CARMIL1: variants seen among roughly 807,000 people sequenced by gnomAD.
The protein encoded by CARMIL1 is capping protein regulator and myosin 1 linker 1, also known as F-actin-uncapping protein LRRC16A.
In CARMIL1, 90 loss-of-function variants were observed where a neutral mutation model predicts 177.1. That is an observed-to-expected ratio of 0.51 (90% CI 0.43 to 0.61). The LOEUF (loss-of-function observed/expected upper bound fraction) is 0.61, where lower values mean the gene tolerates loss of function less well. Ranked by LOEUF, CARMIL1 falls within the 20% of genes least tolerant of loss-of-function variation. The pLI is 0.00. For synonymous variants in CARMIL1, 577 were observed against 606.2 expected, an observed-to-expected ratio of 0.95 and a Z score of 0.71; for missense variants, 1,380 against 1,667.0, an observed-to-expected ratio of 0.83 and a Z score of 3.00.
At chr6:25,486,854 G>A (rs1802709196) in intron 12 of CARMIL1, among the ~76,000 whole-genome samples, 1 of 151,926 alleles carries the variant, frequency 6.6e-6, no homozygotes, top group Non-Finnish European at 1.5e-5. Context: ...TTTCCATAAA[G>A]GTTTATTGAA....
chr6:25,493,106 A>G (rs1803388737), intron 15 of CARMIL1, among the ~76,000 whole-genome samples: 1 of 152,248 alleles, frequency 6.6e-6, no homozygotes, highest in South Asian at 2.1e-4. Context: ...TGACTGGGGA[A>G]CTAGGTTACA....
At chr6:25,495,476 G>A (rs1274428040) in intron 16 of CARMIL1, among the ~76,000 whole-genome samples, 2 of 151,638 alleles carry the variant, frequency 1.3e-5, no homozygotes, top group African/African-American at 4.8e-5. Flanking sequence ...TGTACTCCCA[G>A]GTACTTACTA....
At chr6:25,602,696 AT>A (rs1202475849) in intron 33 of CARMIL1, among the ~76,000 whole-genome samples, 1 of 152,096 alleles carries the variant, frequency 6.6e-6, no homozygotes, top group Non-Finnish European at 1.5e-5. Flanking sequence ...GCTTTAGAAC[AT>A]TTTTTTTCTA....
chr6:25,291,306 C>T (rs571823547), intron 2 of CARMIL1, among the ~76,000 whole-genome samples: 4,113 of 152,144 alleles, frequency 0.027, 67 homozygotes, highest in Non-Finnish European at 0.038. Context: ...AGTATAAACT[C>T]TATTCCACCT....
intron 2 of CARMIL1, among the ~76,000 whole-genome samples, chr6:25,330,334 G>C (rs896893640): frequency 6.6e-6 from 1 of 152,202 alleles, no homozygotes; most frequent in Non-Finnish European, 1.5e-5. Flanking sequence ...GGGATTTAAA[G>C]TGTGAAGTTC....
intron 2 of CARMIL1, among the ~76,000 whole-genome samples, chr6:25,316,089 G>A (rs1294600178): frequency 6.6e-6 from 1 of 152,200 alleles, no homozygotes. Context: ...TGCTGATAAG[G>A]TTTGTAGATA....
intron 26 of CARMIL1, among the ~76,000 whole-genome samples, chr6:25,548,212 T>G (rs186662819): frequency 6.6e-6 from 1 of 152,218 alleles, no homozygotes; most frequent in South Asian, 2.1e-4. Context: ...TTTCCACTTT[T>G]GAGGAAATAT....
intron 8 of CARMIL1, among the ~76,000 whole-genome samples, chr6:25,463,404 T>C (rs1800291940): frequency 6.6e-6 from 1 of 152,206 alleles, no homozygotes; most frequent in Admixed American, 6.5e-5. Context: ...TATTGTGGTA[T>C]GTAGAGATGA....
At position 25,601,836 on chromosome 6, in the gene CARMIL1, A is replaced by C. The variant is rs1379078356; in HGVS notation, c.3552+1090A>C. On this transcript the variant is annotated intron_variant, in intron 33 of 36. Coordinates refer to ENST00000329474, the MANE Select transcript of CARMIL1 (RefSeq NM_017640.6). The stretch of plus-strand genomic sequence containing the variant: ...CCTGTTTTCTCTTGTCACTCACTAC[A>C]TGAAGGATTGTATCTGTGTGATAAG... Among the ~76,000 whole-genome samples the C allele has an allele frequency of 3.3e-5, 5 of 152,304 alleles. No individual in the cohort carries two copies. In the East Asian group the frequency reaches 9.6e-4, roughly 29 times the overall value.
chr6:25,283,468 A>G (rs80192270), intron 1 of CARMIL1, among the ~76,000 whole-genome samples: 167 of 152,278 alleles, frequency 1.1e-3, no homozygotes, highest in African/African-American at 4.0e-3. Context: ...AGTTGGACAT[A>G]AGCATTTTCC....
chr6:25,337,500 A>G (rs1391063390), intron 2 of CARMIL1, among the ~76,000 whole-genome samples: 1 of 152,236 alleles, frequency 6.6e-6, no homozygotes, highest in East Asian at 1.9e-4. Context: ...ATTGAATGTC[A>G]AGGTAATTGT....
At chr6:25,312,875 G>A (rs2150210904) in intron 2 of CARMIL1, among the ~76,000 whole-genome samples, 1 of 146,064 alleles carries the variant, frequency 6.8e-6, no homozygotes, top group South Asian at 2.1e-4. Context: ...TGTTCTGCCA[G>A]TGCCTAAAAT....
At chr6:25,575,029 A>G (rs560717340) in intron 29 of CARMIL1, among the ~76,000 whole-genome samples, 79 of 152,318 alleles carry the variant, frequency 5.2e-4, no homozygotes, top group African/African-American at 1.9e-3. Context: ...GGCATTTATT[A>G]TCTTATTTAA....
rs1224010262 is a variant in CARMIL1, at chr6:25,600,442, C to T, written c.3248C>T (p.Pro1083Leu). 1.2e-6 allele frequency: 2 copies of T among 1,614,012 alleles called. No homozygotes were observed. Among genetic ancestry groups the T allele is most frequent in the Non-Finnish European group, 8.5e-7 (1 of 1,179,894 alleles). The stretch of plus-strand genomic sequence containing the variant: ...AAATCCCGGTCCAAATCCGAGCGAC[C>T]ACCAACGATCTTGATGACAGAAGAA... ...LIKSRSKSERPPTILMTEEPS... is the reference protein window; with the variant it reads ...LIKSRSKSERLPTILMTEEPS... Residue 1083 changes from proline to leucine, a missense_variant, in exon 33 of 37, where the codon CCA (proline) becomes CTA (leucine). Pro to Leu is a moderately conservative substitution (Grantham distance 98). Coordinates refer to ENST00000329474, the MANE Select transcript of CARMIL1 (RefSeq NM_017640.6).
intron 12 of CARMIL1, among the ~76,000 whole-genome samples, chr6:25,488,137 G>A (rs1802851368): frequency 6.6e-6 from 1 of 152,144 alleles, no homozygotes; most frequent in South Asian, 2.1e-4. Context: ...GAATCACCTG[G>A]CAGGATTAAG....
At chr6:25,395,394 G>A (rs1317589506) in intron 2 of CARMIL1, among the ~76,000 whole-genome samples, 1 of 152,170 alleles carries the variant, frequency 6.6e-6, no homozygotes, top group African/African-American at 2.4e-5. Flanking sequence ...TCCAATAGCA[G>A]CATTATCTTC....
rs1414169923 is a variant in CARMIL1 at position 25,491,873 on chromosome 6, G to A, written c.1143+64G>A. ...CTCAGAAGAGCTATTTAGATGGGATGTAGGGGACCTCTAATAAAAGATTCT... is the reference window on the plus strand; with the variant it reads ...CTCAGAAGAGCTATTTAGATGGGATATAGGGGACCTCTAATAAAAGATTCT... On this transcript the variant is annotated intron_variant, in intron 14 of 36. Transcript: ENST00000329474. 10 of 1,529,868 alleles carry A rather than the reference G, an allele frequency of 6.5e-6. No homozygotes were observed. In the East Asian group the frequency reaches 6.8e-5, roughly 10 times the overall value. 94.8% of individuals were successfully genotyped at this position (1,529,868 alleles called of 1,614,324 possible). A position where few individuals can be genotyped will look rare whatever the true frequency, so the allele number is the denominator to read the frequency against.
chr6:25,529,101 A>T (rs1417820402), intron 24 of CARMIL1, among the ~76,000 whole-genome samples: 1 of 152,262 alleles, frequency 6.6e-6, no homozygotes, highest in Non-Finnish European at 1.5e-5. Flanking sequence ...TTAATTATCA[A>T]TCAACAATTG....
chr6:25,293,906 G>C (rs1447186925), intron 2 of CARMIL1, among the ~76,000 whole-genome samples: 1 of 152,158 alleles, frequency 6.6e-6, no homozygotes, highest in Non-Finnish European at 1.5e-5. Flanking sequence ...ATTTTTTGTA[G>C]AGATGGGGTT....
Sources: allele counts gnomAD v4.1 joint callset (sites outside exome capture counted in the v4.1 genomes callset), GRCh38; gene constraint gnomAD v4.1.1; transcripts MANE v1.5; gene names NCBI Gene and HGNC (gene_info 2026-07-23, HGNC 2026-07-21).